The following PDCD5 variants were observed in gnomAD, a reference collection of about 807,000 sequenced individuals.
PDCD5 encodes programmed cell death 5, also known as programmed cell death protein 5.
Under a neutral mutation model 21.9 loss-of-function variants are expected in PDCD5, and 23 were observed. The ratio of observed to expected loss-of-function variants is 1.05; its 90% CI spans 0.76 to 1.49. PDCD5 has a LOEUF of 1.49. Among genes scored for constraint, PDCD5 ranks in the 40% most tolerant of loss-of-function variants. The probability of loss-of-function intolerance (pLI) is 0.00; values close to 1 mark genes in which losing one functional copy is unlikely to be tolerated. For synonymous variants in PDCD5, 45 were observed against 49.4 expected (o/e 0.91, Z 0.37); for missense variants, 152 against 147.7 (o/e 1.03, Z -0.15).
In PDCD5 at chr19:32,581,361, C is replaced by G. The variant is rs770345343; in HGVS notation, c.66+34C>G. 7 of 1,409,530 alleles carry G rather than the reference C, an allele frequency of 5.0e-6. No homozygotes were observed. The African/African-American group carries it at 1.0e-4, about 21-fold the overall frequency. 87.3% of individuals were successfully genotyped at this position (1,409,530 alleles called of 1,614,324 possible). On this transcript the variant is annotated intron_variant, in intron 1 of 5. Coordinates refer to ENST00000590247, the MANE Select transcript of PDCD5 (RefSeq NM_004708.4). ...ATCAGCCCCCGCCAGGCTTGGCCCT[C>G]GCGGGGCGCCGCCCTCGCCCGGAGT...
chr19:32,585,423 A>G (rs1272020065), intron 3 of PDCD5, among the ~76,000 whole-genome samples: 1 of 152,032 alleles, frequency 6.6e-6, no homozygotes, highest in Non-Finnish European at 1.5e-5. Flanking sequence ...AAAATGAGAC[A>G]GTCAGAATGA....
At position 32,585,665 on chromosome 19, in the gene PDCD5, T is replaced by G. The variant is rs1472617004; in HGVS notation, c.167-151T>G. 6.6e-6 allele frequency: 4 copies of G among 608,398 alleles called. No individual in the cohort carries two copies. The South Asian group carries it at 8.5e-5, about 13-fold the overall frequency. 37.7% of individuals were successfully genotyped at this position (608,398 alleles called of 1,614,324 possible). On this transcript the variant is annotated intron_variant, in intron 3 of 5. Transcript: ENST00000590247. The stretch of plus-strand genomic sequence containing the variant: ...TTGGCATGGGTGAACTTCAGTTTTC[T>G]CATTTTTAAGAGGAGTAACAATACT...
At chr19:32,585,486 G>A (rs1238046637) in intron 3 of PDCD5, among the ~76,000 whole-genome samples, 3 of 152,130 alleles carry the variant, frequency 2.0e-5, no homozygotes, top group Non-Finnish European at 4.4e-5. Context: ...TAGAAAAGGC[G>A]GCCACAGGTG....
chr19:32,583,037 A>C (rs1971443898), intron 2 of PDCD5, among the ~76,000 whole-genome samples: 1 of 152,242 alleles, frequency 6.6e-6, no homozygotes, highest in Non-Finnish European at 1.5e-5. Flanking sequence ...ATCTGAAATC[A>C]GGATGCCTTT....
intron 3 of PDCD5, 29 bp downstream of exon 3, chr19:32,585,040 A>G (rs762842506): frequency 1.3e-6 from 2 of 1,503,408 alleles, no homozygotes; most frequent in South Asian, 2.3e-5. Context: ...ATTTCCATAA[A>G]GTTAGCTTGA....
Position 32,583,944 on chromosome 19 carries a change from G to C in PDCD5, c.105-1006G>C, listed in dbSNP as rs530162770. On this transcript the variant is annotated intron_variant, in intron 2 of 5. Coordinates refer to ENST00000590247, the MANE Select transcript of PDCD5 (RefSeq NM_004708.4). ...CCTCTGAGCTTCAAGCGATTCTCCTGCCTCTGCCTCCCAAGTAGCTGGGAT... is the reference window on the plus strand; with the variant it reads ...CCTCTGAGCTTCAAGCGATTCTCCTCCCTCTGCCTCCCAAGTAGCTGGGAT... Among the ~76,000 whole-genome samples, 69 of 152,224 alleles carry C rather than the reference G, an allele frequency of 4.5e-4. 1 individual carries two copies. Among genetic ancestry groups the C allele is most frequent in the African/African-American group, 1.7e-3 (69 of 41,544 alleles).
In PDCD5 at chr19:32,587,245, C is replaced by T; in HGVS notation, c.331-8C>T. 6.3e-7 allele frequency: 1 copy of T among 1,586,950 alleles called. No individual in the cohort carries two copies. Among genetic ancestry groups the T allele is most frequent in the Non-Finnish European group, 8.6e-7 (1 of 1,157,434 alleles). Reference sequence around the variant, plus strand: ...AATGTTCTGACACTCATTTAATTTTCCTCCCAGTTCAACAGAAGAAAAGTA... The same window carrying T: ...AATGTTCTGACACTCATTTAATTTTTCTCCCAGTTCAACAGAAGAAAAGTA... On this transcript the variant is annotated splice_region_variant and splice_polypyrimidine_tract_variant and intron_variant, in intron 5 of 5. Transcript: ENST00000590247.
intron 1 of PDCD5, 42 bp downstream of exon 1, chr19:32,581,369 G>C (rs775974463): frequency 1.0e-5 from 14 of 1,382,272 alleles, no homozygotes; most frequent in African/African-American, 6.0e-5. Flanking sequence ...CTCGCGGGGC[G>C]CCGCCCTCGC....
In PDCD5 at chr19:32,582,344, G is replaced by A. The variant is rs1399893387; in HGVS notation, c.104+112G>A. 4.2e-6 allele frequency: 4 copies of A among 946,416 alleles called. No homozygotes were observed. The Admixed American group carries it at 8.9e-5, about 21-fold the overall frequency. The allele number at this position is 946,416 out of a possible 1,614,324, so 58.6% of individuals were successfully genotyped here. On this transcript the variant is annotated intron_variant, in intron 2 of 5. Coordinates refer to ENST00000590247, the MANE Select transcript of PDCD5 (RefSeq NM_004708.4). The stretch of plus-strand genomic sequence containing the variant: ...TCAGATTTTTTTGTTTTGCTGGAAT[G>A]GTGATTTGGCCAAAATCATCCGCAG...
At position 32,584,936 on chromosome 19, in the gene PDCD5, T is replaced by C. The variant is rs1053036994; in HGVS notation, c.105-14T>C. On this transcript the variant is annotated splice_polypyrimidine_tract_variant and intron_variant, in intron 2 of 5. Coordinates refer to ENST00000590247, the MANE Select transcript of PDCD5 (RefSeq NM_004708.4). Reference sequence around the variant, plus strand: ...CTGTGTTTTAATTGTGTTTGACCTATGTTTTCGTTGTAGGGAAGCAGAAAT... The same window carrying C: ...CTGTGTTTTAATTGTGTTTGACCTACGTTTTCGTTGTAGGGAAGCAGAAAT... 1.6e-5 allele frequency: 26 copies of C among 1,610,292 alleles called. No homozygotes were observed. The highest frequency in any genetic ancestry group is 2.1e-5 in the Non-Finnish European group (25 of 1,176,538).
intron 2 of PDCD5, among the ~76,000 whole-genome samples, chr19:32,582,881 G>A (rs1277474049): frequency 6.6e-6 from 1 of 152,160 alleles, no homozygotes. Context: ...CACCTGCTCT[G>A]GGTCAGGCAC....
At chr19:32,584,920 A>G in intron 2 of PDCD5, 30 bp from the exon 3 acceptor site, 7 of 1,581,186 alleles carry the variant, frequency 4.4e-6, no homozygotes, top group Admixed American at 1.7e-5. Flanking sequence ...GCTGTGTTTT[A>G]ATTGTGTTTG....
At chr19:32,586,594 T>C in intron 4 of PDCD5, 1 of 1,201,774 alleles carries the variant, frequency 8.3e-7, no homozygotes, top group African/African-American at 1.6e-5. Flanking sequence ...AAGGTGTTCT[T>C]AAATATGTTA....
At position 32,584,921 on chromosome 19, in the gene PDCD5, A is replaced by G. The variant is rs75997530; in HGVS notation, c.105-29A>G. The stretch of plus-strand genomic sequence containing the variant: ...TGGGAATGCCGACAGCTGTGTTTTA[A>G]TTGTGTTTGACCTATGTTTTCGTTG... On this transcript the variant is annotated intron_variant, in intron 2 of 5. Coordinates refer to ENST00000590247, the MANE Select transcript of PDCD5 (RefSeq NM_004708.4). 882 of 1,586,964 alleles carry G rather than the reference A, an allele frequency of 5.6e-4. 4 individuals carry two copies. The African/African-American group carries it at 0.01, about 19-fold the overall frequency.
intron 5 of PDCD5, 48 bp from the exon 6 acceptor site, chr19:32,587,205 T>C (rs751429505): frequency 7.3e-7 from 1 of 1,365,756 alleles, no homozygotes; most frequent in Non-Finnish European, 1.0e-6. Flanking sequence ...AAAATCTGAG[T>C]TATGCTTTAT....
rs529487135 is a variant in PDCD5, at chr19:32,582,379, A to C, written c.104+147A>C. 6.2e-5 allele frequency: 42 copies of C among 680,764 alleles called. No individual in the cohort carries two copies. The African/African-American group carries it at 6.7e-4, about 11-fold the overall frequency. 42.2% of individuals were successfully genotyped at this position (680,764 alleles called of 1,614,324 possible). A position where few individuals can be genotyped will look rare whatever the true frequency, so the allele number is the denominator to read the frequency against. On this transcript the variant is annotated intron_variant, in intron 2 of 5. Transcript: ENST00000590247. ...CCAAAATCATCCGCAGGGTATCTTC[A>C]TTATTGTTAAATAAACACGTGTGCA...
intron 3 of PDCD5, among the ~76,000 whole-genome samples, chr19:32,585,357 A>G (rs559230943): frequency 1.2e-4 from 19 of 152,190 alleles, no homozygotes; most frequent in Non-Finnish European, 2.5e-4. Context: ...ATGTATTGTC[A>G]GTTTTAGTGT....
chr19:32,586,626 G>C, intron 4 of PDCD5: 1 of 1,248,998 alleles, frequency 8.0e-7, no homozygotes, highest in Non-Finnish European at 1.0e-6. Flanking sequence ...TCCTGAGGAA[G>C]CAATTTTATG....
intron 2 of PDCD5, among the ~76,000 whole-genome samples, chr19:32,584,168 G>A (rs186032355): frequency 6.6e-6 from 1 of 152,240 alleles, no homozygotes; most frequent in East Asian, 1.9e-4. Flanking sequence ...CAGGGCTGCA[G>A]TACTCAAACC....
Sources: allele counts gnomAD v4.1 joint callset (sites outside exome capture counted in the v4.1 genomes callset), GRCh38; gene constraint gnomAD v4.1.1; transcripts MANE v1.5; gene names NCBI Gene and HGNC (gene_info 2026-07-23, HGNC 2026-07-21).